Variants in ATP2A2 observed in about 807,000 individuals in gnomAD.
ATP2A2 encodes the protein sarcoplasmic/endoplasmic reticulum calcium ATPase 2.
ATP2A2 carries 14 observed loss-of-function variants against 109.3 expected under a neutral mutation model. The ratio of observed to expected loss-of-function variants is 0.13; its 90% CI spans 0.08 to 0.20. ATP2A2 has a LOEUF of 0.20. Ranked by LOEUF, ATP2A2 falls within the 10% of genes least tolerant of loss-of-function variation. The probability of loss-of-function intolerance (pLI) is 1.00; values close to 1 mark genes in which losing one functional copy is unlikely to be tolerated. For missense variants in ATP2A2, 657 were observed against 1,321.6 expected, an observed-to-expected ratio of 0.50 and a Z score of 7.80; for synonymous variants, 506 against 490.9, an observed-to-expected ratio of 1.03 and a Z score of -0.41.
chr12:110,335,046 T>C (rs1344313255), intron 11 of ATP2A2, among the ~76,000 whole-genome samples: 3 of 152,212 alleles, frequency 2.0e-5, no homozygotes, highest in East Asian at 3.8e-4. Context: ...TTTTTCTGCC[T>C]GTCAGAGTCT....
chr12:110,345,485 C>T (rs1466788833), intron 18 of ATP2A2, 103 bp downstream of exon 18: 1 of 1,536,064 alleles, frequency 6.5e-7, no homozygotes, highest in Non-Finnish European at 9.0e-7. Flanking sequence ...GACAGTTCTT[C>T]CCTTCCCAAA....
intron 18 of ATP2A2, 24 bp from the exon 19 acceptor site, chr12:110,345,977 T>G: frequency 6.2e-7 from 1 of 1,612,534 alleles, no homozygotes; most frequent in South Asian, 1.1e-5. Context: ...GGGGTGCGTT[T>G]CCCCACCTCT....
chr12:110,309,201 A>AGG (rs1875731167), intron 5 of ATP2A2, among the ~76,000 whole-genome samples: 1 of 112,392 alleles, frequency 8.9e-6, no homozygotes, highest in Admixed American at 1.4e-4. Flanking sequence ...TCTGTCGCCC[A>AGG]GGCAGGAGTG....
intron 4 of ATP2A2, among the ~76,000 whole-genome samples, chr12:110,294,118 AC>A (rs1873698265): frequency 6.6e-6 from 1 of 151,642 alleles, no homozygotes. Context: ...ATCTTGGCTC[AC>A]TGCAAGCTCC....
chr12:110,347,060 G>A lies in ATP2A2; in HGVS notation c.*590G>A, dbSNP rs1311574715. 9 of 333,362 alleles carry A rather than the reference G, an allele frequency of 2.7e-5. No individual in the cohort carries two copies. Among genetic ancestry groups the A allele is most frequent in the African/African-American group, 1.2e-4 (2 of 16,044 alleles). The allele number at this position is 333,362 out of a possible 1,614,324, so 20.7% of individuals were successfully genotyped here. ...CCTCTCCCCACCTTACCCCCGCCCCGCTTGGCTTCTTCTTTAGGATTGTGA... is the reference window on the plus strand; with the variant it reads ...CCTCTCCCCACCTTACCCCCGCCCCACTTGGCTTCTTCTTTAGGATTGTGA... On this transcript the variant is annotated 3_prime_UTR_variant, in exon 20 of 20. Coordinates refer to ENST00000539276, the MANE Select transcript of ATP2A2 (RefSeq NM_170665.4).
Position 110,334,003 on chromosome 12 carries a change from C to T in ATP2A2, c.1288-9C>T, listed in dbSNP as rs1592852431. 2 of 1,614,036 alleles carry T rather than the reference C, an allele frequency of 1.2e-6. No individual in the cohort carries two copies. Among genetic ancestry groups the T allele is most frequent in the South Asian group, 2.2e-5 (2 of 91,076 alleles). ...TTTTTTCTACTTTCTGTGCCTTTAA[C>T]CAATACAGGCAAAGGGTGTGTATGA... On this transcript the variant is annotated splice_polypyrimidine_tract_variant and intron_variant, in intron 10 of 19. Coordinates refer to ENST00000539276, the MANE Select transcript of ATP2A2 (RefSeq NM_170665.4).
chr12:110,295,783 G>T (rs1409110315), intron 4 of ATP2A2, among the ~76,000 whole-genome samples: 1 of 152,146 alleles, frequency 6.6e-6, no homozygotes, highest in African/African-American at 2.4e-5. Flanking sequence ...GTTCATATAT[G>T]ATGTCATGAG....
intron 5 of ATP2A2, among the ~76,000 whole-genome samples, chr12:110,320,021 C>A (rs1293140255): frequency 6.6e-6 from 1 of 152,066 alleles, no homozygotes; most frequent in Non-Finnish European, 1.5e-5. Flanking sequence ...TGTTTCCAAG[C>A]ATTTTGGGTA....
In ATP2A2 at chr12:110,341,079, A is replaced by T. The variant is rs569148951; in HGVS notation, c.2097+85A>T. The T allele has an allele frequency of 3.3e-5, 47 of 1,410,548 alleles. No individual in the cohort carries two copies. The South Asian group carries it at 4.7e-4, about 14-fold the overall frequency. 87.4% of individuals were successfully genotyped at this position (1,410,548 alleles called of 1,614,324 possible). On this transcript the variant is annotated intron_variant, in intron 14 of 19. Transcript: ENST00000539276. ...ATTTTGACCACTGAATTTTTTTGTC[A>T]TAGCTCCCTAATTTGGAATTTGTCA...
At chr12:110,282,414 G>C (rs1177475899) in intron 1 of ATP2A2, among the ~76,000 whole-genome samples, 190 bp from the exon 2 acceptor site, 2 of 152,150 alleles carry the variant, frequency 1.3e-5, no homozygotes, top group Non-Finnish European at 2.9e-5. Context: ...ATGCTTCCTT[G>C]AGATATCTTC....
chr12:110,317,036 T>C (rs1325697003), intron 5 of ATP2A2, among the ~76,000 whole-genome samples: 4 of 152,204 alleles, frequency 2.6e-5, no homozygotes, highest in African/African-American at 7.2e-5. Context: ...TATTGTGTAA[T>C]GTTCCTTCCC....
At chr12:110,328,574 A>G (rs1878032146) in intron 8 of ATP2A2, among the ~76,000 whole-genome samples, 1 of 152,154 alleles carries the variant, frequency 6.6e-6, no homozygotes, top group Non-Finnish European at 1.5e-5. Context: ...TCTCAAAGAA[A>G]AGAAAAGAAA....
intron 5 of ATP2A2, among the ~76,000 whole-genome samples, chr12:110,302,280 C>G (rs1874741541): frequency 6.6e-6 from 1 of 152,106 alleles, no homozygotes; most frequent in Non-Finnish European, 1.5e-5. Context: ...TTCCAGTTCC[C>G]CTCTTCCCTG....
chr12:110,293,385 T>TTTTG lies in ATP2A2; in HGVS notation c.324+1285_324+1288dup, dbSNP rs1223120062. On this transcript the variant is annotated intron_variant, in intron 4 of 19. Coordinates refer to ENST00000539276, the MANE Select transcript of ATP2A2 (RefSeq NM_170665.4). ...TCCCGGCCTTTTTTTTTTTTTTTTT[T>TTTTG]TTTGTTTGTTTGTTTGTTTGTTTGT... Among the ~76,000 whole-genome samples, 282 of 114,314 alleles carry TTTTG rather than the reference T, an allele frequency of 2.5e-3. 1 individual carries two copies. Among genetic ancestry groups the TTTTG allele is most frequent in the African/African-American group, 1.0e-2 (259 of 26,026 alleles). The allele number at this position is 114,314 out of a possible 152,430, so 75.0% of individuals were successfully genotyped here.
chr12:110,328,828 A>G (rs1391588946), intron 8 of ATP2A2, among the ~76,000 whole-genome samples: 2 of 152,010 alleles, frequency 1.3e-5, no homozygotes, highest in South Asian at 4.1e-4. Flanking sequence ...TTGGCCTCCC[A>G]AAGAGCTGGG....
At chr12:110,335,407 T>C (rs1234109711) in intron 11 of ATP2A2, among the ~76,000 whole-genome samples, 2 of 152,158 alleles carry the variant, frequency 1.3e-5, no homozygotes, top group African/African-American at 4.8e-5. Flanking sequence ...CTCACACCTG[T>C]AATCCCAACA....
chr12:110,287,804 C>T (rs918876221), intron 3 of ATP2A2, among the ~76,000 whole-genome samples: 3 of 151,800 alleles, frequency 2.0e-5, no homozygotes, highest in Admixed American at 6.6e-5. Flanking sequence ...TTAGTAGAGA[C>T]GGGGTTTCTC....
intron 16 of ATP2A2, among the ~76,000 whole-genome samples, chr12:110,344,135 T>TG (rs1879617743): frequency 6.6e-6 from 1 of 152,188 alleles, no homozygotes; most frequent in Admixed American, 6.5e-5. Flanking sequence ...GCCTTCTTCC[T>TG]GCTTGTCAGA....
chr12:110,346,369 T>G lies in ATP2A2; in HGVS notation c.3028T>G (p.Cys1010Gly), dbSNP rs763589652. The change falls in exon 20 of 20, where the codon TGC (cysteine) becomes GGC (glycine). Residue 1010 changes from cysteine (C) to glycine (G), a missense_variant. Around this residue, in one of 9 missense-constraint regions of ATP2A2, gnomAD observed 53 missense variants for 61.2 expected, o/e 0.87. Transcript: ENST00000539276. The stretch of plus-strand genomic sequence containing the variant: ...CACCAAATCCTGCTCGTTCTCGGCA[T>G]GCACCGATGGGATTTCCTGGCCGTT... ...PATKSCSFSACTDGISWPFVL... is the reference protein window; with the variant it reads ...PATKSCSFSAGTDGISWPFVL... The G allele has an allele frequency of 6.2e-7, 1 of 1,614,226 alleles. No individual in the cohort carries two copies. The highest frequency in any genetic ancestry group is 8.5e-7 in the Non-Finnish European group (1 of 1,180,044).
Sources: allele counts gnomAD v4.1 joint callset (sites outside exome capture counted in the v4.1 genomes callset), GRCh38; gene constraint gnomAD v4.1.1; regional missense constraint gnomAD v4.1.1; transcripts MANE v1.5; gene names NCBI Gene and HGNC (gene_info 2026-07-23, HGNC 2026-07-21).